PIK3C2G: variants seen among roughly 807,000 people sequenced by gnomAD.
The protein encoded by PIK3C2G is phosphatidylinositol-4-phosphate 3-kinase catalytic subunit type 2 gamma.
A neutral mutation model predicts 181.1 loss-of-function variants in PIK3C2G; 168 were observed. The ratio of observed to expected loss-of-function variants is 0.93; its 90% CI spans 0.82 to 1.05. The LOEUF (loss-of-function observed/expected upper bound fraction) is 1.05, where lower values mean the gene tolerates loss of function less well. PIK3C2G is among the 50% of genes least tolerant of loss of function. The pLI, the probability that PIK3C2G is intolerant of heterozygous loss-of-function variation, is 0.00. For synonymous variants in PIK3C2G, 573 were observed against 592.2 expected, an observed-to-expected ratio of 0.97 and a Z score of 0.47; for missense variants, 1,869 against 1,732.8, an observed-to-expected ratio of 1.08 and a Z score of -1.40.
At chr12:18,399,957 G>A (rs993140351) in intron 16 of PIK3C2G, 110 bp downstream of exon 16, 13 of 527,550 alleles carry the variant, frequency 2.5e-5, no homozygotes, top group African/African-American at 3.9e-5. Flanking sequence ...TCTCAATTTT[G>A]ATAGTTATGG....
chr12:18,319,574 T>A (rs777281886), intron 6 of PIK3C2G, among the ~76,000 whole-genome samples: 10 of 152,216 alleles, frequency 6.6e-5, no homozygotes, highest in South Asian at 2.1e-4. Context: ...CAAAAGGTAC[T>A]ATGACTAATA....
chr12:18,403,305 A>C (rs1944355110), intron 16 of PIK3C2G, among the ~76,000 whole-genome samples: 1 of 152,188 alleles, frequency 6.6e-6, no homozygotes, highest in Non-Finnish European at 1.5e-5. Context: ...TACACACTGG[A>C]AAGTTTCTTA....
At position 18,563,429 on chromosome 12, in the gene PIK3C2G, A is replaced by T; in HGVS notation, c.3833A>T (p.Lys1278Ile). ...AACAACGAAACAAGCCTGACAGAAA[A>T]ATCATTTGAGCAGTTTTCAAAACTT... is the stretch of plus-strand genomic sequence containing the variant. ...HSNNETSLTE[K>I]SFEQFSKLHS... Residue 1278 changes from lysine to isoleucine, a missense_variant, in exon 28 of 33, where the codon AAA (lysine) becomes ATA (isoleucine). Transcript: ENST00000538779. 6.2e-7 allele frequency: 1 copy of T among 1,613,788 alleles called. No individual in the cohort carries two copies. The highest frequency in any genetic ancestry group is 8.5e-7 in the Non-Finnish European group (1 of 1,179,762).
Position 18,435,971 on chromosome 12 carries a change from A to C in PIK3C2G, c.2504+11932A>C, listed in dbSNP as rs371768553. On this transcript the variant is annotated intron_variant, in intron 18 of 32. Transcript: ENST00000538779. ...ATACTTAGAGCTACAAGTAACAAAA[A>C]AAAAAAAAAACCCTGATTCAACTGG... 6.4e-3 allele frequency among the ~76,000 whole-genome samples: 969 copies of C among 152,156 alleles called. 10 individuals carry two copies. Among genetic ancestry groups the C allele is most frequent in the African/African-American group, 0.023 (935 of 41,540 alleles).
chr12:18,577,347 T>C (rs1037717839), intron 29 of PIK3C2G, among the ~76,000 whole-genome samples: 3 of 152,132 alleles, frequency 2.0e-5, no homozygotes, highest in Non-Finnish European at 4.4e-5. Flanking sequence ...GCTTTTGCTG[T>C]TTTTGTCACA....
chr12:18,503,894 G>C (rs1232025778), intron 23 of PIK3C2G, among the ~76,000 whole-genome samples: 1 of 152,112 alleles, frequency 6.6e-6, no homozygotes, highest in Non-Finnish European at 1.5e-5. Context: ...TTTTCTCAAT[G>C]TTTACTTCAT....
intron 31 of PIK3C2G, among the ~76,000 whole-genome samples, chr12:18,616,427 A>T (rs909406894): frequency 1.2e-4 from 19 of 152,156 alleles, no homozygotes; most frequent in African/African-American, 4.1e-4. Flanking sequence ...AATAGCTTTT[A>T]TCTGTGAATT....
chr12:18,529,785 T>C (rs1448335891), intron 24 of PIK3C2G, among the ~76,000 whole-genome samples: 1 of 152,150 alleles, frequency 6.6e-6, no homozygotes, highest in African/African-American at 2.4e-5. Context: ...CTGGTGCTAT[T>C]GGAAAGATTT....
At chr12:18,650,621 T>G (rs1950406833), downstream of PIK3C2G, among the ~76,000 whole-genome samples, 1 of 144,850 alleles carries the variant, frequency 6.9e-6, no homozygotes, top group Admixed American at 6.9e-5. Flanking sequence ...CGGGCTCACT[T>G]GAAATACACG....
intron 14 of PIK3C2G, among the ~76,000 whole-genome samples, chr12:18,388,146 T>A (rs1383921560): frequency 6.6e-6 from 1 of 152,082 alleles, no homozygotes; most frequent in Non-Finnish European, 1.5e-5. Flanking sequence ...AAAACCACCA[T>A]ATGGATCCCT....
chr12:18,714,072 C>A, the PIK3C2G span, among the ~76,000 whole-genome samples: 1 of 152,084 alleles, frequency 6.6e-6, no homozygotes, highest in African/African-American at 2.4e-5. Context: ...ATCTTCATAC[C>A]CAGCCCAGAG....
chr12:18,457,257 T>C (rs1051010754), intron 18 of PIK3C2G, among the ~76,000 whole-genome samples: 1 of 152,196 alleles, frequency 6.6e-6, no homozygotes, highest in Admixed American at 6.5e-5. Context: ...AATAGTTAAG[T>C]GCTTTCCTTT....
At chr12:18,723,383 C>T in the PIK3C2G span, 1 of 1,612,916 alleles carries the variant, frequency 6.2e-7, no homozygotes, top group Middle Eastern at 1.7e-4. Flanking sequence ...GCATATTGTT[C>T]TTGTGTCAGA....
chr12:18,293,644 T>G (rs1407539195), intron 4 of PIK3C2G, among the ~76,000 whole-genome samples: 1 of 152,136 alleles, frequency 6.6e-6, no homozygotes, highest in Non-Finnish European at 1.5e-5. Context: ...GGCTTTAACA[T>G]GAGAAACACA....
chr12:18,364,079 C>T (rs1300532096), intron 12 of PIK3C2G, among the ~76,000 whole-genome samples: 1 of 152,190 alleles, frequency 6.6e-6, no homozygotes, highest in African/African-American at 2.4e-5. Context: ...CACACAAGGC[C>T]TTTTGTAGTG....
chr12:18,597,910 A>G (rs1441038496), intron 30 of PIK3C2G, among the ~76,000 whole-genome samples: 1 of 152,218 alleles, frequency 6.6e-6, no homozygotes, highest in African/African-American at 2.4e-5. Flanking sequence ...TGCTTCAAAG[A>G]TAATGAAATA....
At chr12:18,400,222 CT>C (rs1432880610) in intron 16 of PIK3C2G, among the ~76,000 whole-genome samples, 14 of 151,944 alleles carry the variant, frequency 9.2e-5, no homozygotes, top group Admixed American at 8.5e-4. Flanking sequence ...GCAAAATGCC[CT>C]GTGTAAAGTA....
intron 18 of PIK3C2G, among the ~76,000 whole-genome samples, chr12:18,435,082 T>C (rs1946376335): frequency 6.6e-6 from 1 of 151,748 alleles, no homozygotes; most frequent in Non-Finnish European, 1.5e-5. Flanking sequence ...CAAAACTGAA[T>C]TCAATATTCC....
At chr12:18,304,151 A>G (rs904070189) in intron 5 of PIK3C2G, among the ~76,000 whole-genome samples, 1 of 152,196 alleles carries the variant, frequency 6.6e-6, no homozygotes, top group Admixed American at 6.5e-5. Flanking sequence ...GTACAAAAAT[A>G]GTTTTACAAA....
Sources: allele counts gnomAD v4.1 joint callset (sites outside exome capture counted in the v4.1 genomes callset), GRCh38; gene constraint gnomAD v4.1.1; transcripts MANE v1.5; gene names NCBI Gene and HGNC (gene_info 2026-07-23, HGNC 2026-07-21).